NAALADL2: variants seen among roughly 807,000 people sequenced by gnomAD.
NAALADL2 encodes the protein inactive N-acetylated-alpha-linked acidic dipeptidase-like protein 2.
NAALADL2 carries 76 observed loss-of-function variants against 87.2 expected under a neutral mutation model. The observed-to-expected ratio is 0.87, with a 90% CI of 0.72 to 1.05. The LOEUF is 1.05. Ranked by LOEUF, NAALADL2 falls within the 50% of genes least tolerant of loss-of-function variation. The pLI is 0.00. For synonymous variants in NAALADL2, 354 were observed against 331.0 expected (o/e 1.07, Z -0.75); for missense variants, 1,089 against 945.8 (o/e 1.15, Z -1.99).
At chr3:174,518,203 G>A (rs1720050514) in intron 1 of NAALADL2, among the ~76,000 whole-genome samples, 1 of 152,122 alleles carries the variant, frequency 6.6e-6, no homozygotes, top group Non-Finnish European at 1.5e-5. Flanking sequence ...CTGTGTGTAT[G>A]TAATTTCCTG....
intron 13 of NAALADL2, among the ~76,000 whole-genome samples, chr3:175,761,744 T>C (rs766191343): frequency 7.2e-5 from 11 of 152,202 alleles, no homozygotes; most frequent in Non-Finnish European, 1.3e-4. Flanking sequence ...AGTTCCCCAA[T>C]GATATATGAT....
intron 13 of NAALADL2, among the ~76,000 whole-genome samples, chr3:175,785,151 G>A (rs1217997229): frequency 2.7e-5 from 4 of 150,374 alleles, no homozygotes; most frequent in Non-Finnish European, 3.0e-5. Context: ...GAATAGGTGT[G>A]GTGTGGTGCT....
At chr3:175,642,963 A>G (rs1729504827) in intron 11 of NAALADL2, among the ~76,000 whole-genome samples, 1 of 152,216 alleles carries the variant, frequency 6.6e-6, no homozygotes. Flanking sequence ...TTTTGAAACC[A>G]AGATAAGCAC....
At chr3:175,078,252 C>T (rs1469429270) in intron 1 of NAALADL2, among the ~76,000 whole-genome samples, 4 of 151,864 alleles carry the variant, frequency 2.6e-5, no homozygotes, top group Non-Finnish European at 5.9e-5. Context: ...CTCAAACTCC[C>T]GACCTCAAGT....
chr3:175,732,895 G>T (rs1426633300), intron 11 of NAALADL2, among the ~76,000 whole-genome samples: 1 of 141,108 alleles, frequency 7.1e-6, no homozygotes, highest in Non-Finnish European at 1.5e-5. Context: ...ACACGCTGGG[G>T]TCTGTCGGGG....
intron 5 of NAALADL2, among the ~76,000 whole-genome samples, chr3:175,427,659 T>C (rs1239260174): frequency 2.0e-5 from 3 of 152,200 alleles, no homozygotes; most frequent in African/African-American, 7.2e-5. Context: ...TCATCAAATG[T>C]AAATTTCATT....
chr3:175,340,941 G>A (rs1762506279), intron 5 of NAALADL2, among the ~76,000 whole-genome samples: 1 of 151,872 alleles, frequency 6.6e-6, no homozygotes, highest in South Asian at 2.1e-4. Context: ...TTCGGCTGAG[G>A]TGGACATCTT....
intron 5 of NAALADL2, among the ~76,000 whole-genome samples, chr3:175,371,403 G>T (rs940251701): frequency 6.6e-6 from 1 of 152,040 alleles, no homozygotes; most frequent in African/African-American, 2.4e-5. Flanking sequence ...GAGTAGCTGG[G>T]ATTACAGGCG....
intron 1 of NAALADL2, among the ~76,000 whole-genome samples, chr3:174,889,458 T>C (rs1012939771): frequency 6.6e-6 from 1 of 152,188 alleles, no homozygotes; most frequent in African/African-American, 2.4e-5. Flanking sequence ...GTTCCCTGCT[T>C]CCTCTCCTGC....
At chr3:174,467,678 T>G (rs1716622613) in intron 1 of NAALADL2, among the ~76,000 whole-genome samples, 1 of 143,634 alleles carries the variant, frequency 7.0e-6, no homozygotes, top group Non-Finnish European at 1.5e-5. Flanking sequence ...TTCCATAAAA[T>G]GGAATACTAT....
chr3:175,387,401 A>T (rs1377591809), intron 5 of NAALADL2, among the ~76,000 whole-genome samples: 1 of 152,138 alleles, frequency 6.6e-6, no homozygotes, highest in African/African-American at 2.4e-5. Context: ...CAATTGGTCT[A>T]GGATAGTCAA....
At chr3:174,706,980 T>C (rs973628579) in intron 2 of NAALADL2, among the ~76,000 whole-genome samples, 4 of 152,030 alleles carry the variant, frequency 2.6e-5, no homozygotes, top group Admixed American at 6.6e-5. Context: ...AAAAAGTGGG[T>C]GAACGATATG....
chr3:174,846,670 T>C (rs1724657552), intron 3 of NAALADL2, among the ~76,000 whole-genome samples: 1 of 152,194 alleles, frequency 6.6e-6, no homozygotes, highest in African/African-American at 2.4e-5. Context: ...CTTAGATTTC[T>C]AATATTAAGT....
chr3:174,542,328 T>C (rs1722320412), intron 1 of NAALADL2, among the ~76,000 whole-genome samples: 1 of 152,186 alleles, frequency 6.6e-6, no homozygotes, highest in Non-Finnish European at 1.5e-5. Context: ...CAGAGGTCTC[T>C]CTTCTGTTAC....
Position 175,548,560 on chromosome 3 carries a change from TAGAAA to T in NAALADL2, c.1654-27472_1654-27468del, listed in dbSNP as rs199568247. ...GTACCTCTGAACTTAAAATAAAAGT[TAGAAA>T]AGAAAAGACTTCACAGATATCGTTG... On this transcript the variant is annotated intron_variant, in intron 9 of 13. Coordinates refer to ENST00000454872, the MANE Select transcript of NAALADL2 (RefSeq NM_207015.3). Among the ~76,000 whole-genome samples the T allele has an allele frequency of 8.7e-3, 1,327 of 152,072 alleles. 24 individuals carry two copies. The highest frequency in any genetic ancestry group is 0.03 in the African/African-American group (1,247 of 41,524).
At chr3:175,324,037 A>G (rs539534489) in intron 4 of NAALADL2, 138 bp from the exon 5 acceptor site, 2 of 645,762 alleles carry the variant, frequency 3.1e-6, no homozygotes, top group East Asian at 6.2e-5. Context: ...ACAAAAAAAA[A>G]AAAAAAGAAA....
At chr3:174,821,145 T>G (rs1721375324) in intron 3 of NAALADL2, among the ~76,000 whole-genome samples, 1 of 152,168 alleles carries the variant, frequency 6.6e-6, no homozygotes, top group South Asian at 2.1e-4. Context: ...CAGACTTAAA[T>G]AGTTTGGAGA....
intron 3 of NAALADL2, among the ~76,000 whole-genome samples, chr3:174,819,323 C>T (rs1721170782): frequency 6.6e-6 from 1 of 151,592 alleles, no homozygotes; most frequent in Non-Finnish European, 1.5e-5. Context: ...CCTGGGCCTC[C>T]CAAAGTGCTG....
intron 11 of NAALADL2, among the ~76,000 whole-genome samples, chr3:175,650,231 T>C (rs1313603717): frequency 1.3e-5 from 2 of 152,146 alleles, no homozygotes; most frequent in Non-Finnish European, 2.9e-5. Flanking sequence ...GGTGACATAT[T>C]GAATGATTGG....
Sources: gnomAD v4.1 joint callset for allele counts (sites outside exome capture counted in the v4.1 genomes callset) on GRCh38, gnomAD v4.1.1 for gene constraint, MANE v1.5 for transcripts, NCBI Gene and HGNC (gene_info 2026-07-23, HGNC 2026-07-21) for gene names.